The following FRG1 variants were observed in gnomAD, a reference collection of about 807,000 sequenced individuals.
FRG1 encodes the protein FSHD region gene 1, also known as protein FRG1.
In FRG1, 19 loss-of-function variants were observed where a neutral mutation model predicts 37.0. The observed-to-expected ratio is 0.51, with a 90% CI of 0.36 to 0.75. FRG1 has a LOEUF of 0.75. FRG1 is among the 30% of genes least tolerant of loss of function. The pLI is 0.00. For missense variants in FRG1, 243 were observed against 301.4 expected (o/e 0.81, Z 1.44); for synonymous variants, 73 against 96.5 (o/e 0.76, Z 1.43).
chr4:189,941,075 G>T lies in FRG1; in HGVS notation c.62+4G>T. 1.9e-6 allele frequency: 3 copies of T among 1,613,722 alleles called. No homozygotes were observed. The highest frequency in any genetic ancestry group is 2.5e-6 in the Non-Finnish European group (3 of 1,179,624). On this transcript the variant is annotated splice_donor_region_variant and intron_variant, in intron 1 of 8. Transcript: ENST00000226798. ...TCAAGGGAACCAAGACGAAGAGGTG[G>T]GTCCTGCAGCTTGGGCGGGAGCCTC...
chr4:189,956,270 C>T (rs1363857964), intron 5 of FRG1, among the ~76,000 whole-genome samples: 3 of 152,118 alleles, frequency 2.0e-5, no homozygotes, highest in South Asian at 2.1e-4. Context: ...TTTCATGACC[C>T]GCTAATGTGT....
chr4:189,958,267 G>A (rs1737073845), intron 6 of FRG1, among the ~76,000 whole-genome samples: 2 of 152,060 alleles, frequency 1.3e-5, no homozygotes, highest in Admixed American at 6.6e-5. Flanking sequence ...ACATAACATT[G>A]AATATGCATC....
intron 2 of FRG1, among the ~76,000 whole-genome samples, chr4:189,943,658 G>GA: frequency 6.6e-6 from 1 of 152,240 alleles, no homozygotes; most frequent in South Asian, 2.1e-4. Flanking sequence ...ATCTTCACAG[G>GA]AAAAATCATT....
At chr4:189,955,001 C>T in intron 4 of FRG1, 36 bp from the exon 5 acceptor site, 1 of 1,305,148 alleles carries the variant, frequency 7.7e-7, no homozygotes, top group Non-Finnish European at 1.1e-6. Context: ...AATTTTCTCT[C>T]AGTCTTTAAC....
intron 2 of FRG1, among the ~76,000 whole-genome samples, chr4:189,949,817 T>C (rs13146652): frequency 0.29 from 44,025 of 152,106 alleles, 6,483 homozygotes; most frequent in Middle Eastern, 0.43. Context: ...TGTCTTTAGC[T>C]GAAATTTTAA....
chr4:189,941,457 T>C (rs759725973), intron 1 of FRG1, among the ~76,000 whole-genome samples: 26 of 151,118 alleles, frequency 1.7e-4, no homozygotes, highest in Admixed American at 3.3e-4. Context: ...AGAAAACTTA[T>C]TAATTTTTTC....
At chr4:189,957,039 A>G (rs1469629588) in intron 5 of FRG1, among the ~76,000 whole-genome samples, 1 of 152,230 alleles carries the variant, frequency 6.6e-6, no homozygotes, top group African/African-American at 2.4e-5. Flanking sequence ...TAATATTTGA[A>G]TAAAGTATGC....
chr4:189,955,485 A>G (rs1030965341), intron 5 of FRG1, among the ~76,000 whole-genome samples: 13 of 152,178 alleles, frequency 8.5e-5, no homozygotes, highest in Non-Finnish European at 7.3e-5. Context: ...GGATGCTTTC[A>G]GAAACATTAG....
rs759034461 is a variant in FRG1, at chr4:189,960,833, A to G, written c.623A>G (p.Asn208Ser). 4.7e-5 allele frequency: 76 copies of G among 1,605,060 alleles called. No individual in the cohort carries two copies. In the Middle Eastern group the frequency reaches 2.5e-3, roughly 53 times the overall value. Reference sequence around the variant, plus strand: ...GGAAATGTAAAACAATGTGAAATCAATTATGTGTATGTATTCTTTTCCTTT... The same window carrying G: ...GGAAATGTAAAACAATGTGAAATCAGTTATGTGTATGTATTCTTTTCCTTT... ...DKGNVKQCEI[N>S]YVKKFQSFQD... The change falls in exon 7 of 9, where the codon AAT (asparagine) becomes AGT (serine). Residue 208 changes from asparagine (N) to serine (S), a missense_variant. Physicochemically the swap from Asn to Ser is conservative, Grantham distance 46. Coordinates refer to ENST00000226798, the MANE Select transcript of FRG1 (RefSeq NM_004477.3).
chr4:189,941,243 CAG>C (rs1736282237), intron 1 of FRG1, among the ~76,000 whole-genome samples, 172 bp downstream of exon 1: 1 of 152,158 alleles, frequency 6.6e-6, no homozygotes, highest in South Asian at 2.1e-4. Flanking sequence ...GGCGTCTGTG[CAG>C]AGAGGGGCAG....
rs376622337 is a variant in FRG1 at position 189,941,980 on chromosome 4, A to T, written c.62+909A>T. 13 of 258,330 alleles carry T rather than the reference A, an allele frequency of 5.0e-5. No homozygotes were observed. In the East Asian group the frequency reaches 6.8e-4, roughly 14 times the overall value. The allele number at this position is 258,330 out of a possible 1,614,324, so 16.0% of individuals were successfully genotyped here. On this transcript the variant is annotated intron_variant, in intron 1 of 8. Coordinates refer to ENST00000226798, the MANE Select transcript of FRG1 (RefSeq NM_004477.3). The stretch of plus-strand genomic sequence containing the variant: ...GAACCCTCTCGAGGAGTCTGGCCTC[A>T]TGAAGATGCCAGAATAAATGGCAGG...
chr4:189,942,214 G>T (rs1389051054), intron 1 of FRG1, among the ~76,000 whole-genome samples: 2 of 152,000 alleles, frequency 1.3e-5, no homozygotes, highest in Non-Finnish European at 2.9e-5. Context: ...ATCACTCTTG[G>T]TTTTTTATTT....
chr4:189,962,063 A>G (rs1411898984), intron 8 of FRG1, 131 bp downstream of exon 8: 14 of 640,452 alleles, frequency 2.2e-5, no homozygotes, highest in African/African-American at 3.8e-5. Flanking sequence ...GAGTGTGGCA[A>G]TATTACCTAA....
At chr4:189,943,130 A>G (rs1229161712) in intron 1 of FRG1, 72 bp from the exon 2 acceptor site, 4 of 1,445,798 alleles carry the variant, frequency 2.8e-6, no homozygotes, top group Admixed American at 2.3e-5. Context: ...AAGACTTTCA[A>G]GTTTCAATCT....
intron 6 of FRG1, among the ~76,000 whole-genome samples, chr4:189,958,045 T>G (rs1737063474): frequency 6.6e-6 from 1 of 152,062 alleles, no homozygotes; most frequent in Admixed American, 6.6e-5. Flanking sequence ...GACTTCAATT[T>G]TTTTTTTTCC....
chr4:189,958,608 G>A (rs1291497609), intron 6 of FRG1, among the ~76,000 whole-genome samples: 17 of 152,346 alleles, frequency 1.1e-4, no homozygotes, highest in Admixed American at 6.5e-4. Context: ...AGTCAGACGC[G>A]TTATCCATTG....
intron 5 of FRG1, 66 bp from the exon 6 acceptor site, chr4:189,957,332 C>G (rs184174635): frequency 6.5e-7 from 1 of 1,534,288 alleles, no homozygotes; most frequent in Non-Finnish European, 8.8e-7. Flanking sequence ...TTAATTCAGT[C>G]TAAACACTTA....
rs1398239524 is a variant in FRG1, at chr4:189,943,231, GAA to G, written c.96_97del (p.Glu34ArgfsTer3). 1 of 1,606,320 alleles carries G rather than the reference GAA, an allele frequency of 6.2e-7. No homozygotes were observed. Among genetic ancestry groups the G allele is most frequent in the East Asian group, 2.2e-5 (1 of 44,704 alleles). Reference sequence around the variant, plus strand: ...AAGAAAAAGAGCAAAGATAAGAAAAGAAAAAGAGAAGAAGATGAAGAAACCCA... The same window carrying G: ...AAGAAAAAGAGCAAAGATAAGAAAAGAAAGAGAAGAAGATGAAGAAACCCA... On this transcript the variant is annotated frameshift_variant, in exon 2 of 9. Transcript: ENST00000226798. LOFTEE classifies it high-confidence loss of function.
intron 2 of FRG1, among the ~76,000 whole-genome samples, chr4:189,944,318 A>T (rs1736437251): frequency 6.6e-6 from 1 of 152,178 alleles, no homozygotes; most frequent in Non-Finnish European, 1.5e-5. Context: ...CTGGGAGTGC[A>T]GGTGCCTGCC....
Sources: allele counts gnomAD v4.1 joint callset (sites outside exome capture counted in the v4.1 genomes callset), GRCh38; gene constraint gnomAD v4.1.1; transcripts MANE v1.5; gene names NCBI Gene and HGNC (gene_info 2026-07-23, HGNC 2026-07-21).